FAM135B: variants seen among roughly 807,000 people sequenced by gnomAD.
The protein encoded by FAM135B is family with sequence similarity 135 member B.
FAM135B carries 43 observed loss-of-function variants against 127.7 expected under a neutral mutation model. The ratio of observed to expected loss-of-function variants is 0.34; its 90% CI spans 0.26 to 0.43. The LOEUF is 0.43. Among genes scored for constraint, FAM135B ranks in the 20% least tolerant of loss-of-function variants. FAM135B has a pLI of 1.00. For missense variants in FAM135B, 1,558 were observed against 1,725.6 expected (o/e 0.90, Z 1.72); for synonymous variants, 670 against 665.1 (o/e 1.01, Z -0.11).
intron 2 of FAM135B, among the ~76,000 whole-genome samples, chr8:138,359,281 T>C (rs777426443): frequency 6.6e-6 from 1 of 152,168 alleles, no homozygotes; most frequent in Non-Finnish European, 1.5e-5. Flanking sequence ...GATGAAACAC[T>C]GACTGTAAGT....
intron 1 of FAM135B, among the ~76,000 whole-genome samples, chr8:138,425,732 A>G (rs1834800542): frequency 6.6e-6 from 1 of 151,478 alleles, no homozygotes; most frequent in African/African-American, 2.4e-5. Flanking sequence ...TGTAGATACC[A>G]TGCTTTCTCC....
intron 9 of FAM135B, among the ~76,000 whole-genome samples, chr8:138,189,204 C>T (rs558017247): frequency 1.3e-5 from 2 of 152,270 alleles, no homozygotes; most frequent in Admixed American, 6.5e-5. Flanking sequence ...GGCTTGACAG[C>T]GTTGCTTCGC....
chr8:138,133,415 C>T (rs969693482), intron 19 of FAM135B, among the ~76,000 whole-genome samples: 3 of 152,180 alleles, frequency 2.0e-5, no homozygotes, highest in Admixed American at 6.5e-5. Context: ...AATTGAATTG[C>T]TGAACAATAG....
chr8:138,481,250 T>C (rs1814768442), intron 1 of FAM135B, among the ~76,000 whole-genome samples: 1 of 152,242 alleles, frequency 6.6e-6, no homozygotes. Context: ...TAAGTCTGTG[T>C]ATGCAGTGGT....
intron 3 of FAM135B, among the ~76,000 whole-genome samples, chr8:138,289,673 C>T (rs1279149988): frequency 6.6e-6 from 1 of 152,198 alleles, no homozygotes; most frequent in Non-Finnish European, 1.5e-5. Context: ...GGTTGCATTT[C>T]TCTTTTGCCC....
At chr8:138,310,136 G>T (rs1826567808) in intron 3 of FAM135B, among the ~76,000 whole-genome samples, 1 of 152,110 alleles carries the variant, frequency 6.6e-6, no homozygotes, top group Non-Finnish European at 1.5e-5. Flanking sequence ...CTCCCAAAGT[G>T]CTGGGATTAT....
chr8:138,276,393 C>T (rs2130711339), intron 3 of FAM135B, among the ~76,000 whole-genome samples: 1 of 152,238 alleles, frequency 6.6e-6, no homozygotes, highest in East Asian at 1.9e-4. Flanking sequence ...GTGGCCTTGG[C>T]CTTAGTTGGA....
chr8:138,195,448 C>A, intron 8 of FAM135B, 141 bp from the exon 9 acceptor site: 1 of 741,064 alleles, frequency 1.3e-6, no homozygotes, highest in South Asian at 1.7e-5. Flanking sequence ...TCTACCTATT[C>A]TAACTTCCTA....
intron 1 of FAM135B, among the ~76,000 whole-genome samples, chr8:138,378,190 G>A (rs1831607002): frequency 6.6e-6 from 1 of 152,186 alleles, no homozygotes; most frequent in South Asian, 2.1e-4. Context: ...ACACAGATAG[G>A]ACCTGAGCAG....
chr8:138,390,527 C>T (rs1466198938), intron 1 of FAM135B, among the ~76,000 whole-genome samples: 3 of 152,106 alleles, frequency 2.0e-5, no homozygotes, highest in Non-Finnish European at 4.4e-5. Context: ...TTTATCAGCA[C>T]CATGAAAAGG....
chr8:138,401,464 G>A (rs558388078), intron 1 of FAM135B, among the ~76,000 whole-genome samples: 24 of 152,326 alleles, frequency 1.6e-4, no homozygotes, highest in Admixed American at 1.2e-3. Context: ...CAGGCACACA[G>A]GAGGCACAGG....
chr8:138,447,030 T>C (rs1011532565), intron 1 of FAM135B, among the ~76,000 whole-genome samples: 4 of 152,176 alleles, frequency 2.6e-5, no homozygotes, highest in African/African-American at 9.7e-5. Flanking sequence ...AAGACATTTA[T>C]GCAGCCAAAA....
At chr8:138,473,661 A>G (rs1486147900) in intron 1 of FAM135B, among the ~76,000 whole-genome samples, 2 of 152,200 alleles carry the variant, frequency 1.3e-5, no homozygotes, top group African/African-American at 2.4e-5. Flanking sequence ...GATGCTAAAG[A>G]CAGCTATTGA....
At chr8:138,474,396 C>G (rs1056305507) in intron 1 of FAM135B, among the ~76,000 whole-genome samples, 4 of 152,144 alleles carry the variant, frequency 2.6e-5, no homozygotes, top group Non-Finnish European at 4.4e-5. Flanking sequence ...TTGTAAGGAA[C>G]AAGTGAGAAA....
chr8:138,496,215 C>T (rs1414340258), intron 1 of FAM135B, among the ~76,000 whole-genome samples: 1 of 152,164 alleles, frequency 6.6e-6, no homozygotes, highest in Non-Finnish European at 1.5e-5. Flanking sequence ...CTGCAGTGTC[C>T]CCGCACACCC....
rs561605268 is a variant in FAM135B at position 138,253,648 on chromosome 8, A to G, written c.369-2634T>C. 2.6e-5 allele frequency among the ~76,000 whole-genome samples: 4 copies of G among 152,292 alleles called. No homozygotes were observed. The East Asian group carries it at 5.8e-4, about 22-fold the overall frequency. On this transcript the variant is annotated intron_variant, in intron 5 of 19. Coordinates refer to ENST00000395297, the MANE Select transcript of FAM135B (RefSeq NM_015912.4). ...CTCAAGCATCCTCCCGAGCTGTGAC[A>G]ACCAAACATGTCTCTGGGCATGGCC... is the stretch of plus-strand genomic sequence containing the variant.
chr8:138,367,892 G>T lies in FAM135B; in HGVS notation c.77+15C>A. The T allele has an allele frequency of 1.3e-6, 2 of 1,554,386 alleles. No homozygotes were observed. Among genetic ancestry groups the T allele is most frequent in the Non-Finnish European group, 8.8e-7 (1 of 1,132,744 alleles). ...ACACACACACACACACACACAAATT[G>T]TAAAGCATACTTACCCTCTCTGAAA... On this transcript the variant is annotated intron_variant, in intron 2 of 19. Coordinates refer to ENST00000395297, the MANE Select transcript of FAM135B (RefSeq NM_015912.4).
At chr8:138,341,111 C>A (rs1232659245) in intron 2 of FAM135B, among the ~76,000 whole-genome samples, 1 of 152,218 alleles carries the variant, frequency 6.6e-6, no homozygotes, top group African/African-American at 2.4e-5. Flanking sequence ...ATTTTGCATA[C>A]TCATGTTCAC....
Position 138,153,214 on chromosome 8 carries a change from G to A in FAM135B, c.1261C>T (p.His421Tyr), listed in dbSNP as rs1563696999. 6.8e-7 allele frequency: 1 copy of A among 1,472,836 alleles called. No homozygotes were observed. The highest frequency in any genetic ancestry group is 2.4e-5 in the East Asian group (1 of 41,608). The allele number at this position is 1,472,836 out of a possible 1,614,324, so 91.2% of individuals were successfully genotyped here. ...DRYVDCPATG[H>Y]NLSVYPNFDV... ...AAATTAGGATAAACACTCAAGTTAT[G>A]CCCTACAAAAAAAAAAGAAAGAAAA... The change falls in exon 13 of 20, where the codon CAT becomes TAT. Residue 421 changes from histidine to tyrosine, a missense_variant and splice_region_variant. This residue lies in a region of FAM135B where 923 missense variants were observed against 865.3 expected (regional missense o/e 1.07). Transcript: ENST00000395297.
Sources: gnomAD v4.1 joint callset for allele counts (sites outside exome capture counted in the v4.1 genomes callset) on GRCh38, gnomAD v4.1.1 for gene constraint, gnomAD v4.1.1 regional missense constraint, MANE v1.5 for transcripts, NCBI Gene and HGNC (gene_info 2026-07-23, HGNC 2026-07-21) for gene names.